The following UBASH3B variants were observed in gnomAD, a reference collection of about 807,000 sequenced individuals.
UBASH3B encodes ubiquitin associated and SH3 domain containing B, also known as ubiquitin-associated and SH3 domain-containing protein B.
A neutral mutation model predicts 83.4 loss-of-function variants in UBASH3B; 37 were observed. That is an observed-to-expected ratio of 0.44 (90% CI 0.34 to 0.58). UBASH3B has a LOEUF of 0.58. Ranked by LOEUF, UBASH3B falls within the 20% of genes least tolerant of loss-of-function variation. The pLI, the probability that UBASH3B is intolerant of heterozygous loss-of-function variation, is 0.01. For missense variants in UBASH3B, 657 were observed against 827.2 expected, an observed-to-expected ratio of 0.79 and a Z score of 2.52; for synonymous variants, 304 against 318.3, an observed-to-expected ratio of 0.96 and a Z score of 0.48.
At chr11:122,677,079 G>A (rs974252952) in intron 1 of UBASH3B, among the ~76,000 whole-genome samples, 1 of 152,138 alleles carries the variant, frequency 6.6e-6, no homozygotes, top group Non-Finnish European at 1.5e-5. Flanking sequence ...ATATTGGGGG[G>A]AAAAATTGCA....
At chr11:122,658,629 C>T (rs1334717848) in intron 1 of UBASH3B, among the ~76,000 whole-genome samples, 1 of 152,212 alleles carries the variant, frequency 6.6e-6, no homozygotes, top group African/African-American at 2.4e-5. Context: ...ATAACTTGCT[C>T]AAGGTCACAA....
Position 122,697,240 on chromosome 11 carries a change from G to A in UBASH3B, c.161+41030G>A, listed in dbSNP as rs996366015. The stretch of plus-strand genomic sequence containing the variant: ...AACAGACCACTAACATTTCAATTGC[G>A]CTTTCCAATCGACAAAGTACTTTTA... On this transcript the variant is annotated intron_variant, in intron 1 of 13. Coordinates refer to ENST00000284273, the MANE Select transcript of UBASH3B (RefSeq NM_032873.5). Among the ~76,000 whole-genome samples the A allele has an allele frequency of 5.3e-5, 8 of 152,256 alleles. No individual in the cohort carries two copies. In the East Asian group the frequency reaches 1.2e-3, roughly 22 times the overall value.
chr11:122,789,031 G>A (rs1364015383), intron 5 of UBASH3B, 69 bp from the exon 6 acceptor site: 3 of 1,435,572 alleles, frequency 2.1e-6, no homozygotes, highest in African/African-American at 1.4e-5. Context: ...AGAACATACA[G>A]TCCTGCCCTC....
rs368093231 is a variant in UBASH3B at position 122,806,751 on chromosome 11, G to A, written c.1702+235G>A. On this transcript the variant is annotated intron_variant, in intron 12 of 13. Transcript: ENST00000284273. The surrounding 1 kb of genome is among the most constrained non-coding windows in gnomAD (Gnocchi z 4.0). The stretch of plus-strand genomic sequence containing the variant: ...CTATTCTTAATAACTTAAATTCTGC[G>A]TTATAGCTATTCTTCTTGCACCCTG... Among the ~76,000 whole-genome samples the A allele has an allele frequency of 2.3e-3, 352 of 152,198 alleles. 2 individuals are homozygous for A. The highest frequency in any genetic ancestry group is 0.011 in the South Asian group (51 of 4,820).
At chr11:122,773,615 C>A (rs529886256) in intron 1 of UBASH3B, among the ~76,000 whole-genome samples, 2 of 152,332 alleles carry the variant, frequency 1.3e-5, no homozygotes, top group South Asian at 4.1e-4. Flanking sequence ...GATACGATAA[C>A]CTTCCACCAA....
At chr11:122,786,368 G>A (rs1375618418) in intron 5 of UBASH3B, among the ~76,000 whole-genome samples, 1 of 150,968 alleles carries the variant, frequency 6.6e-6, no homozygotes, top group Non-Finnish European at 1.5e-5. Flanking sequence ...GAGTTCTTAT[G>A]AGTACAGGCC....
At chr11:122,726,511 G>A (rs539798194) in intron 1 of UBASH3B, among the ~76,000 whole-genome samples, 72 of 151,878 alleles carry the variant, frequency 4.7e-4, no homozygotes, top group Non-Finnish European at 6.6e-4. Context: ...TACCATGCCC[G>A]GCTAATTTTT....
intron 6 of UBASH3B, 135 bp downstream of exon 6, chr11:122,789,443 C>A (rs951161336): frequency 1.0e-6 from 1 of 980,758 alleles, no homozygotes; most frequent in Non-Finnish European, 1.5e-6. Flanking sequence ...AGGAAAGGAG[C>A]TGATTTGAGG....
intron 1 of UBASH3B, among the ~76,000 whole-genome samples, chr11:122,688,424 G>A (rs1169425700): frequency 2.1e-5 from 3 of 144,752 alleles, no homozygotes; most frequent in East Asian, 4.1e-4. Context: ...CCACCACACC[G>A]CTAATTTTGG....
chr11:122,788,304 C>T (rs964777456), intron 5 of UBASH3B, among the ~76,000 whole-genome samples: 1 of 152,310 alleles, frequency 6.6e-6, no homozygotes, highest in South Asian at 2.1e-4. Flanking sequence ...CATGGTGACT[C>T]ACACCTGTAA....
At chr11:122,773,888 A>G (rs1020933408) in intron 1 of UBASH3B, 2 of 784,964 alleles carry the variant, frequency 2.5e-6, no homozygotes, top group African/African-American at 3.8e-5. Flanking sequence ...AAAAAAAGAA[A>G]TTGAATTCCT....
intron 1 of UBASH3B, among the ~76,000 whole-genome samples, chr11:122,753,791 G>A (rs758023737): frequency 3.9e-5 from 6 of 151,932 alleles, no homozygotes; most frequent in Admixed American, 2.6e-4. Flanking sequence ...CACCGTGCCC[G>A]GCCAACCCTG....
chr11:122,681,096 ATTATT>A (rs1408628751), intron 1 of UBASH3B, among the ~76,000 whole-genome samples: 1 of 152,222 alleles, frequency 6.6e-6, no homozygotes, highest in African/African-American at 2.4e-5. Context: ...TTCGCTAGAA[ATTATT>A]TAATTTATTC....
chr11:122,740,173 T>C (rs1861001646), intron 1 of UBASH3B, among the ~76,000 whole-genome samples: 1 of 152,214 alleles, frequency 6.6e-6, no homozygotes, highest in African/African-American at 2.4e-5. Flanking sequence ...CCATATTTTG[T>C]GGCAAAGCAA....
chr11:122,683,743 T>A (rs976493030), intron 1 of UBASH3B, among the ~76,000 whole-genome samples: 101 of 99,106 alleles, frequency 1.0e-3, no homozygotes, highest in Middle Eastern at 6.7e-3. Context: ...TAAAAAAAAA[T>A]TGTGTGTGTG....
At chr11:122,699,531 C>CTCTTTCTTTCTTTATTCTT (rs1555137132) in intron 1 of UBASH3B, among the ~76,000 whole-genome samples, 62 of 107,936 alleles carry the variant, frequency 5.7e-4, no homozygotes, top group African/African-American at 2.2e-3. Context: ...TTCTTTCTTT[C>CTCTTTCTTTCTTTATTCTT]TCTTTCTTTC....
intron 1 of UBASH3B, among the ~76,000 whole-genome samples, chr11:122,684,372 C>T (rs957248067): frequency 6.6e-6 from 1 of 152,106 alleles, no homozygotes; most frequent in Non-Finnish European, 1.5e-5. Context: ...TAGAGAGCGA[C>T]AAGCAAAAGT....
At chr11:122,750,266 C>G (rs181418186) in intron 1 of UBASH3B, among the ~76,000 whole-genome samples, 1 of 152,104 alleles carries the variant, frequency 6.6e-6, no homozygotes, top group Non-Finnish European at 1.5e-5. Context: ...GTTGCAGGGC[C>G]CCCCCACCTT....
chr11:122,708,689 A>G (rs1487206240), intron 1 of UBASH3B, among the ~76,000 whole-genome samples: 2 of 152,192 alleles, frequency 1.3e-5, no homozygotes, highest in East Asian at 3.8e-4. Flanking sequence ...TCCCTCAAAA[A>G]GATCCACGCA....
Sources: allele counts gnomAD v4.1 joint callset (sites outside exome capture counted in the v4.1 genomes callset), GRCh38; gene constraint gnomAD v4.1.1; non-coding constraint Gnocchi (gnomAD v3.1); transcripts MANE v1.5; gene names NCBI Gene and HGNC (gene_info 2026-07-23, HGNC 2026-07-21).